The following PRDM15 variants were observed in gnomAD, a reference collection of about 807,000 sequenced individuals.
PRDM15 encodes PR domain zinc finger protein 15.
In PRDM15, 64 loss-of-function variants were observed where a neutral mutation model predicts 128.6. The observed-to-expected ratio is 0.50, with a 90% confidence interval of 0.41 to 0.61. PRDM15 has a LOEUF of 0.61. Ranked by LOEUF, PRDM15 falls within the 20% of genes least tolerant of loss-of-function variation. The pLI is 0.00. For missense variants in PRDM15, 1,242 were observed against 1,569.1 expected, an observed-to-expected ratio of 0.79 and a Z score of 3.52; for synonymous variants, 615 against 621.8, an observed-to-expected ratio of 0.99 and a Z score of 0.16.
intron 21 of PRDM15, among the ~76,000 whole-genome samples, chr21:41,806,950 TCCA>T (rs1284439542): frequency 1.6e-5 from 2 of 124,548 alleles, no homozygotes; most frequent in Non-Finnish European, 3.7e-5. Context: ...CACCACCATC[TCCA>T]CCACCATCAT....
intron 4 of PRDM15, among the ~76,000 whole-genome samples, chr21:41,856,674 G>A (rs870531): frequency 0.37 from 55,646 of 151,968 alleles, 10,437 homozygotes; most frequent in African/African-American, 0.41. Flanking sequence ...TCGAGTTCAC[G>A]TCAAAGTAGA....
chr21:41,818,583 G>A (rs1447271568), intron 18 of PRDM15, among the ~76,000 whole-genome samples: 1 of 152,186 alleles, frequency 6.6e-6, no homozygotes, highest in African/African-American at 2.4e-5. Context: ...CCCCCTTTCT[G>A]GCCTTTTCTG....
intron 11 of PRDM15, among the ~76,000 whole-genome samples, chr21:41,834,957 AAAG>A (rs1484483836): frequency 6.6e-6 from 1 of 152,184 alleles, no homozygotes; most frequent in East Asian, 1.9e-4. Flanking sequence ...CTCAGAACAA[AAAG>A]AATGCGTGCA....
intron 1 of PRDM15, chr21:41,870,816 G>T (rs2064183419): frequency 6.6e-6 from 1 of 152,208 alleles, no homozygotes; most frequent in South Asian, 2.1e-4. Context: ...GGCAGGGCCT[G>T]GCTTTGCTAC....
At chr21:41,816,894 T>TAA (rs66937227) in intron 18 of PRDM15, among the ~76,000 whole-genome samples, 4 of 149,478 alleles carry the variant, frequency 2.7e-5, no homozygotes, top group Non-Finnish European at 4.5e-5. Flanking sequence ...TCCTTTTGAT[T>TAA]AAAAAAAAAA....
intron 21 of PRDM15, chr21:41,804,828 A>C: frequency 2.2e-6 from 1 of 452,680 alleles, no homozygotes; most frequent in Non-Finnish European, 3.9e-6. Flanking sequence ...TCATGCTCCC[A>C]CAATGGTCTT....
Position 41,836,408 on chromosome 21 carries a change from C to T in PRDM15, c.1183+60G>A. On this transcript the variant is annotated intron_variant, in intron 9 of 23. Coordinates refer to ENST00000398548, the MANE Select transcript of PRDM15 (RefSeq NM_001040424.3). Reference sequence around the variant, plus strand: ...GGAGGGGAGACTCCGTGCTGTCCTCCCACCCCCAGCCCCAGTCCTGGCCCT... The same window carrying T: ...GGAGGGGAGACTCCGTGCTGTCCTCTCACCCCCAGCCCCAGTCCTGGCCCT... The T allele has an allele frequency of 3.9e-6, 6 of 1,541,736 alleles. No homozygotes were observed. In the South Asian group the frequency reaches 4.7e-5, roughly 12 times the overall value.
At chr21:41,808,428 C>A (rs1165985022) in intron 21 of PRDM15, among the ~76,000 whole-genome samples, 2 of 152,202 alleles carry the variant, frequency 1.3e-5, no homozygotes, top group Admixed American at 1.3e-4. Flanking sequence ...TCCCTGGGAG[C>A]CTGATCGGGC....
chr21:41,809,050 T>C (rs1601765201), intron 21 of PRDM15, among the ~76,000 whole-genome samples: 1 of 152,208 alleles, frequency 6.6e-6, no homozygotes, highest in East Asian at 1.9e-4. Flanking sequence ...CGTTTGCTTT[T>C]CTGGGATGCG....
chr21:41,819,518 T>G (rs2062174220), intron 18 of PRDM15, 64 bp downstream of exon 18: 1 of 1,389,010 alleles, frequency 7.2e-7, no homozygotes, highest in African/African-American at 1.5e-5. Flanking sequence ...CATGTCCCCT[T>G]CCAGCACCCT....
chr21:41,821,824 G>T lies in PRDM15; in HGVS notation c.1896+79C>A. The T allele has an allele frequency of 6.4e-7, 1 of 1,564,762 alleles. No homozygotes were observed. On this transcript the variant is annotated intron_variant, in intron 15 of 23. Coordinates refer to ENST00000398548, the MANE Select transcript of PRDM15 (RefSeq NM_001040424.3). This position sits in a 1 kb window ranked among gnomAD's most constrained non-coding sequence, Gnocchi z 5.4. ...GCTTCCGAGATGCATGAAGGTGCCT[G>T]CTGTGTGGGGCCCACAGCCTTGAAA...
intron 1 of PRDM15, among the ~76,000 whole-genome samples, chr21:41,865,193 C>A (rs1024144914): frequency 1.3e-5 from 2 of 151,282 alleles, no homozygotes; most frequent in African/African-American, 4.9e-5. Context: ...ACTCCCCAGC[C>A]CTCTCTGCCA....
chr21:41,855,658 G>A (rs1471304863), intron 4 of PRDM15, among the ~76,000 whole-genome samples: 1 of 152,178 alleles, frequency 6.6e-6, no homozygotes, highest in Non-Finnish European at 1.5e-5. Flanking sequence ...GCTGGTGCAT[G>A]CACTGAGAAC....
rs775842920 is a variant in PRDM15 at position 41,854,567 on chromosome 21, G to A, written c.537C>T (p.His179=). 17 of 1,612,810 alleles carry A rather than the reference G, an allele frequency of 1.1e-5. No homozygotes were observed. The African/African-American group carries it at 1.1e-4, about 10-fold the overall frequency. Residue 179 remains histidine, a splice_region_variant and synonymous_variant, in exon 5 of 24, where the codon CAC becomes CAT. Coordinates refer to ENST00000398548, the MANE Select transcript of PRDM15 (RefSeq NM_001040424.3). This position sits in a 1 kb window ranked among gnomAD's most constrained non-coding sequence, Gnocchi z 4.6. ...TCCGGATCGGGGGCCGCCACATACC[G>A]TGGACGCCAGAGCCGGCCTGCTTCA... is the stretch of plus-strand genomic sequence containing the variant. The part of the protein sequence containing the change: ...PMLKQAGSGV[H]AAGTPENSAP...
At chr21:41,834,129 T>G (rs1361752297) in intron 11 of PRDM15, among the ~76,000 whole-genome samples, 1 of 152,144 alleles carries the variant, frequency 6.6e-6, no homozygotes, top group African/African-American at 2.4e-5. Flanking sequence ...GGAGGCCACC[T>G]CATGCCAGAC....
intron 1 of PRDM15, among the ~76,000 whole-genome samples, chr21:41,874,527 T>TATA (rs1329086382): frequency 1.0e-3 from 98 of 96,752 alleles, no homozygotes; most frequent in Non-Finnish European, 1.1e-3. Context: ...ATATATATAT[T>TATA]TTTTTTTTTT....
rs760440038 is a variant in PRDM15, at chr21:41,857,177, T to C, written c.284A>G (p.Lys95Arg). The change falls in exon 4 of 24, where the codon AAG becomes AGG. Residue 95 changes from lysine to arginine, a missense_variant and splice_region_variant. Coordinates refer to ENST00000398548, the MANE Select transcript of PRDM15 (RefSeq NM_001040424.3). ...KWEKESAFPL[K>R]VFQKDGHPVC... The stretch of plus-strand genomic sequence containing the variant: ...CTCCTGTTTGGCAACAGCCTTTACC[T>C]TCAGGGGAAATGCAGACTCCTTTTC... 5.6e-6 allele frequency: 9 copies of C among 1,612,218 alleles called. No individual in the cohort carries two copies. The East Asian group carries it at 2.0e-4, about 36-fold the overall frequency.
chr21:41,827,132 T>G (rs1051294863), intron 12 of PRDM15, among the ~76,000 whole-genome samples: 2 of 152,166 alleles, frequency 1.3e-5, no homozygotes, highest in Non-Finnish European at 2.9e-5. Flanking sequence ...GGCTACCCAG[T>G]CACTAAGTGG....
At chr21:41,850,141 G>A (rs904915749) in intron 5 of PRDM15, among the ~76,000 whole-genome samples, 1 of 152,204 alleles carries the variant, frequency 6.6e-6, no homozygotes, top group Non-Finnish European at 1.5e-5. Flanking sequence ...AGGTGAGTGA[G>A]AAATGGGACT....
Sources: gnomAD v4.1 joint callset for allele counts (sites outside exome capture counted in the v4.1 genomes callset) on GRCh38, gnomAD v4.1.1 for gene constraint, Gnocchi (gnomAD v3.1) non-coding constraint, MANE v1.5 for transcripts, NCBI Gene and HGNC (gene_info 2026-07-23, HGNC 2026-07-21) for gene names.